The following KCNQ3 variants were observed in gnomAD, a reference collection of about 807,000 sequenced individuals.
KCNQ3 encodes the protein potassium voltage-gated channel subfamily Q member 3, also known as potassium voltage-gated channel subfamily KQT member 3.
KCNQ3 carries 30 observed loss-of-function variants against 92.5 expected under a neutral mutation model. The observed-to-expected ratio is 0.32, with a 90% confidence interval of 0.24 to 0.44. KCNQ3 has a LOEUF of 0.44. KCNQ3 is among the 20% of genes least tolerant of loss of function. KCNQ3 has a pLI of 1.00. For synonymous variants in KCNQ3, 450 were observed against 468.8 expected, an observed-to-expected ratio of 0.96 and a Z score of 0.52; for missense variants, 913 against 1,140.3, an observed-to-expected ratio of 0.80 and a Z score of 2.87.
chr8:132,409,437 G>A (rs533405208), intron 1 of KCNQ3, among the ~76,000 whole-genome samples: 29 of 150,684 alleles, frequency 1.9e-4, no homozygotes, highest in African/African-American at 6.8e-4. Context: ...CCACCTCCTT[G>A]ACCTAACTTC....
intron 1 of KCNQ3, among the ~76,000 whole-genome samples, chr8:132,226,759 G>C (rs1326370905): frequency 6.6e-6 from 1 of 152,120 alleles, no homozygotes; most frequent in African/African-American, 2.4e-5. Context: ...TCTTCTTGTG[G>C]ATCCTGCCAA....
At chr8:132,361,174 C>A (rs1819158011) in intron 1 of KCNQ3, among the ~76,000 whole-genome samples, 2 of 152,228 alleles carry the variant, frequency 1.3e-5, no homozygotes, top group African/African-American at 4.8e-5. Context: ...ATGCGAGACT[C>A]CAAAGTCCAG....
chr8:132,230,006 A>C (rs1165522179), intron 1 of KCNQ3, among the ~76,000 whole-genome samples: 2 of 152,072 alleles, frequency 1.3e-5, no homozygotes, highest in Non-Finnish European at 2.9e-5. Context: ...GGGTCTGATC[A>C]CTCACTTTTT....
chr8:132,323,155 T>C (rs1300858043), intron 1 of KCNQ3, among the ~76,000 whole-genome samples: 1 of 152,118 alleles, frequency 6.6e-6, no homozygotes, highest in Non-Finnish European at 1.5e-5. Flanking sequence ...CCCGCACTCT[T>C]TATTAACAGC....
chr8:132,430,773 C>T (rs1383336406), intron 1 of KCNQ3, among the ~76,000 whole-genome samples: 2 of 152,176 alleles, frequency 1.3e-5, no homozygotes, highest in Non-Finnish European at 2.9e-5. Flanking sequence ...AAGATATTTC[C>T]ATTTAAACTC....
intron 8 of KCNQ3, among the ~76,000 whole-genome samples, chr8:132,164,526 G>T (rs1341770597): frequency 6.6e-6 from 1 of 152,100 alleles, no homozygotes; most frequent in Non-Finnish European, 1.5e-5. Context: ...GGTCAGCTCA[G>T]CATTTAGTTA....
At chr8:132,468,108 T>A (rs1009170849) in intron 1 of KCNQ3, among the ~76,000 whole-genome samples, 3 of 152,222 alleles carry the variant, frequency 2.0e-5, no homozygotes, top group African/African-American at 7.2e-5. Flanking sequence ...AACTGCTGAT[T>A]AGTGTGATTA....
At chr8:132,198,026 C>A (rs1403958012) in intron 1 of KCNQ3, among the ~76,000 whole-genome samples, 2 of 152,152 alleles carry the variant, frequency 1.3e-5, no homozygotes, top group Non-Finnish European at 1.5e-5. Flanking sequence ...TTGGCTGGGA[C>A]CTGTGCTTTG....
chr8:132,209,774 G>A (rs1813794402), intron 1 of KCNQ3, among the ~76,000 whole-genome samples: 1 of 152,128 alleles, frequency 6.6e-6, no homozygotes, highest in South Asian at 2.1e-4. Context: ...CATGTTTAAG[G>A]TAGGCTAGGC....
intron 1 of KCNQ3, among the ~76,000 whole-genome samples, chr8:132,331,109 C>T (rs1292735945): frequency 6.6e-6 from 1 of 152,164 alleles, no homozygotes; most frequent in African/African-American, 2.4e-5. Flanking sequence ...ACTCATGGAG[C>T]ACCTTCTAGG....
chr8:132,361,829 G>A (rs1201715742), intron 1 of KCNQ3, among the ~76,000 whole-genome samples: 1 of 152,070 alleles, frequency 6.6e-6, no homozygotes, highest in Non-Finnish European at 1.5e-5. Flanking sequence ...CCATTCGTAT[G>A]TGTAAAACAA....
Position 132,180,319 on chromosome 8 carries a change from C to A in KCNQ3, c.615G>T (p.Val205=), listed in dbSNP as rs555846991. 6.2e-6 allele frequency: 10 copies of A among 1,614,024 alleles called. No homozygotes were observed. The highest frequency in any genetic ancestry group is 8.5e-6 in the Non-Finnish European group (10 of 1,180,040). ...RKPLCMLDIF[V]LIASVPVVAV... ...CAACCACTGGCACAGAGGCAATCAG[C>A]ACAAAGATGTCTGGGAGAGAGGACA... is the stretch of plus-strand genomic sequence containing the variant. The change falls in exon 4 of 15, where the codon GTG becomes GTT. Residue 205 remains valine, a synonymous_variant. Coordinates refer to ENST00000388996, the MANE Select transcript of KCNQ3 (RefSeq NM_004519.4).
At chr8:132,317,711 T>G (rs1776088849) in intron 1 of KCNQ3, among the ~76,000 whole-genome samples, 1 of 152,186 alleles carries the variant, frequency 6.6e-6, no homozygotes, top group African/African-American at 2.4e-5. Context: ...TTGTAGGTCA[T>G]CCTTCCCAGG....
intron 1 of KCNQ3, among the ~76,000 whole-genome samples, chr8:132,421,731 T>C (rs529401468): frequency 2.0e-5 from 3 of 152,152 alleles, no homozygotes; most frequent in African/African-American, 7.2e-5. Flanking sequence ...ATATGAAAGA[T>C]CCTACCAGGA....
At chr8:132,359,698 T>A (rs58204254) in intron 1 of KCNQ3, among the ~76,000 whole-genome samples, 1,933 of 152,288 alleles carry the variant, frequency 0.013, 51 homozygotes, top group African/African-American at 0.044. Flanking sequence ...AAACTAGTAA[T>A]GATGACATTA....
At position 132,388,008 on chromosome 8, in the gene KCNQ3, GGAAGAGGAAGAGGAAGAAGAA is replaced by G. The variant is rs563972206; in HGVS notation, c.386+92118_386+92138del. On this transcript the variant is annotated intron_variant, in intron 1 of 14. Coordinates refer to ENST00000388996, the MANE Select transcript of KCNQ3 (RefSeq NM_004519.4). ...AAGAGGAAGAGGAAGAAGAAGAAGA[GGAAGAGGAAGAGGAAGAAGAA>G]GAAGAGGAAGAGGAAGAAGAAGAAG... Among the ~76,000 whole-genome samples, 364 of 140,454 alleles carry G rather than the reference GGAAGAGGAAGAGGAAGAAGAA, an allele frequency of 2.6e-3. 5 individuals carry two copies. Among genetic ancestry groups the G allele is most frequent in the South Asian group, 0.013 (57 of 4,382 alleles). 92.1% of individuals were successfully genotyped at this position (140,454 alleles called of 152,430 possible).
intron 1 of KCNQ3, among the ~76,000 whole-genome samples, chr8:132,374,731 C>T (rs534147670): frequency 2.6e-5 from 4 of 152,186 alleles, no homozygotes; most frequent in Admixed American, 6.5e-5. Context: ...TGTGCATCCA[C>T]GTTTTCTCAT....
At chr8:132,335,973 G>C (rs1272280122) in intron 1 of KCNQ3, among the ~76,000 whole-genome samples, 1 of 152,176 alleles carries the variant, frequency 6.6e-6, no homozygotes, top group African/African-American at 2.4e-5. Context: ...TCCCTCTGCA[G>C]CTCCAAGAGA....
At chr8:132,471,850 A>G (rs1403914394) in intron 1 of KCNQ3, among the ~76,000 whole-genome samples, 1 of 152,206 alleles carries the variant, frequency 6.6e-6, no homozygotes, top group Non-Finnish European at 1.5e-5. Flanking sequence ...TAAATGGGAG[A>G]AAAAATTGAA....
Sources: allele counts gnomAD v4.1 joint callset (sites outside exome capture counted in the v4.1 genomes callset), GRCh38; gene constraint gnomAD v4.1.1; transcripts MANE v1.5; gene names NCBI Gene and HGNC (gene_info 2026-07-23, HGNC 2026-07-21).